The following SLC8A1 variants were observed in gnomAD, a reference collection of about 807,000 sequenced individuals.
SLC8A1 encodes the protein solute carrier family 8 member A1.
Under a neutral mutation model 68.3 loss-of-function variants are expected in SLC8A1, and 18 were observed. The ratio of observed to expected loss-of-function variants is 0.26; its 90% confidence interval spans 0.18 to 0.39. The LOEUF (loss-of-function observed/expected upper bound fraction) is 0.39, where lower values mean the gene tolerates loss of function less well. Among genes scored for constraint, SLC8A1 ranks in the 10% least tolerant of loss-of-function variants. SLC8A1 has a pLI of 1.00. For synonymous variants in SLC8A1, 475 were observed against 415.5 expected (o/e 1.14, Z -1.74); for missense variants, 985 against 1,156.7 (o/e 0.85, Z 2.15).
intron 2 of SLC8A1, among the ~76,000 whole-genome samples, chr2:40,290,968 A>G (rs2069199414): frequency 6.6e-6 from 1 of 152,228 alleles, no homozygotes; most frequent in Non-Finnish European, 1.5e-5. Context: ...GAAAAGTCCC[A>G]TCAGTGGGCA....
intron 2 of SLC8A1, among the ~76,000 whole-genome samples, chr2:40,412,546 G>A (rs1692488159): frequency 6.6e-6 from 1 of 152,134 alleles, no homozygotes; most frequent in African/African-American, 2.4e-5. Flanking sequence ...GGGAATGGAG[G>A]CACTACCTTA....
chr2:40,184,898 C>CAAA (rs66662572), intron 2 of SLC8A1, among the ~76,000 whole-genome samples: 358 of 105,664 alleles, frequency 3.4e-3, no homozygotes, highest in Non-Finnish European at 4.7e-3. Flanking sequence ...TAACCAAAAA[C>CAAA]AAAAAAAAAA....
At chr2:40,133,701 T>TC (rs111377369) in intron 7 of SLC8A1, among the ~76,000 whole-genome samples, 6,177 of 52,686 alleles carry the variant, frequency 0.12, 125 homozygotes, top group East Asian at 0.33. Context: ...GGGGCAAAAA[T>TC]CCCCCCCCCC....
At chr2:40,286,016 G>C (rs1249668863) in intron 2 of SLC8A1, among the ~76,000 whole-genome samples, 1 of 152,136 alleles carries the variant, frequency 6.6e-6, no homozygotes, top group Non-Finnish European at 1.5e-5. Flanking sequence ...CAGGGCAAGT[G>C]CTCCCTAGGA....
At chr2:40,444,246 G>A (rs1264013274) in intron 1 of SLC8A1, among the ~76,000 whole-genome samples, 5 of 152,172 alleles carry the variant, frequency 3.3e-5, no homozygotes, top group South Asian at 4.1e-4. Flanking sequence ...GGCTGAGCCA[G>A]GAGGATTACT....
intron 2 of SLC8A1, among the ~76,000 whole-genome samples, chr2:40,415,805 G>T (rs916993716): frequency 6.7e-6 from 1 of 149,976 alleles, no homozygotes; most frequent in Admixed American, 6.7e-5. Flanking sequence ...CCTGAGGTCC[G>T]GAGTTCAAGA....
chr2:40,428,886 C>G (rs746421818), exon 2 of SLC8A1: 51 of 1,613,668 alleles, frequency 3.2e-5, no homozygotes, highest in Non-Finnish European at 4.3e-5. Flanking sequence ...CAGGCTTAAA[C>G]ACCACAGTTC....
At chr2:40,130,437 G>A (rs556715835) in intron 7 of SLC8A1, among the ~76,000 whole-genome samples, 1 of 152,342 alleles carries the variant, frequency 6.6e-6, no homozygotes, top group Admixed American at 6.5e-5. Flanking sequence ...CCAGACTGCT[G>A]CTTGCTAAAG....
chr2:40,249,788 A>C (rs2149018150), intron 2 of SLC8A1, among the ~76,000 whole-genome samples: 2 of 152,302 alleles, frequency 1.3e-5, no homozygotes, highest in East Asian at 3.9e-4. Context: ...TTGGCTCAAA[A>C]TATGTCTCTA....
At chr2:40,357,666 T>C (rs1673141694) in intron 2 of SLC8A1, among the ~76,000 whole-genome samples, 1 of 152,120 alleles carries the variant, frequency 6.6e-6, no homozygotes, top group African/African-American at 2.4e-5. Flanking sequence ...GTTCTGCACA[T>C]GTATCCGAGA....
intron 2 of SLC8A1, among the ~76,000 whole-genome samples, chr2:40,243,570 G>T (rs1047864929): frequency 1.1e-4 from 16 of 152,192 alleles, no homozygotes; most frequent in African/African-American, 3.1e-4. Context: ...CTTTGAGCTT[G>T]ATTTTACCTC....
At chr2:40,355,909 C>G (rs1672516691) in intron 2 of SLC8A1, among the ~76,000 whole-genome samples, 1 of 152,162 alleles carries the variant, frequency 6.6e-6, no homozygotes, top group African/African-American at 2.4e-5. Context: ...GTGGGATTTG[C>G]TGGAAAGGTT....
intron 6 of SLC8A1, among the ~76,000 whole-genome samples, chr2:40,148,825 T>C (rs1340398714): frequency 6.6e-6 from 1 of 152,236 alleles, no homozygotes; most frequent in Non-Finnish European, 1.5e-5. Flanking sequence ...GGAAATTAGC[T>C]GATTGGTGGA....
chr2:40,467,153 G>C (rs1252762893), intron 1 of SLC8A1, among the ~76,000 whole-genome samples: 2 of 152,116 alleles, frequency 1.3e-5, no homozygotes, highest in Non-Finnish European at 2.9e-5. Flanking sequence ...TTAGAGCACA[G>C]TGCTTATGAT....
chr2:40,151,281 G>C (rs2043372630), intron 6 of SLC8A1, among the ~76,000 whole-genome samples: 1 of 151,964 alleles, frequency 6.6e-6, no homozygotes, highest in African/African-American at 2.4e-5. Flanking sequence ...GTGTGTGTGT[G>C]TGTGTATGTA....
chr2:40,222,342 G>C (rs1236132307), intron 2 of SLC8A1, among the ~76,000 whole-genome samples: 1 of 152,064 alleles, frequency 6.6e-6, no homozygotes, highest in Non-Finnish European at 1.5e-5. Flanking sequence ...ACTGAAACTG[G>C]ACCACTTCCT....
At chr2:40,129,531 T>C (rs1369969875) in intron 7 of SLC8A1, among the ~76,000 whole-genome samples, 3 of 152,190 alleles carry the variant, frequency 2.0e-5, no homozygotes, top group Admixed American at 2.0e-4. Flanking sequence ...CCAGCACACC[T>C]GGCCACCTTC....
At chr2:40,312,756 G>A (rs1394604679) in intron 2 of SLC8A1, among the ~76,000 whole-genome samples, 3 of 152,180 alleles carry the variant, frequency 2.0e-5, no homozygotes, top group East Asian at 3.9e-4. Context: ...TGGTGTGCCA[G>A]ATATAATGCC....
chr2:40,496,795 T>A (rs770655666), intron 1 of SLC8A1, among the ~76,000 whole-genome samples: 3 of 151,826 alleles, frequency 2.0e-5, no homozygotes, highest in Admixed American at 1.3e-4. Context: ...GATTTCCAAT[T>A]TCATCATTCT....
Sources: allele counts gnomAD v4.1 joint callset (sites outside exome capture counted in the v4.1 genomes callset), GRCh38; gene constraint gnomAD v4.1.1; transcripts MANE v1.5; gene names NCBI Gene and HGNC (gene_info 2026-07-23, HGNC 2026-07-21).